PRRC2B: variants seen among roughly 807,000 people sequenced by gnomAD.
PRRC2B encodes proline rich coiled-coil 2B.
PRRC2B carries 68 observed loss-of-function variants against 242.3 expected under a neutral mutation model. The ratio of observed to expected loss-of-function variants is 0.28; its 90% CI spans 0.23 to 0.34. The LOEUF is 0.34. Ranked by LOEUF, PRRC2B falls within the 10% of genes least tolerant of loss-of-function variation. PRRC2B has a pLI of 1.00. For synonymous variants in PRRC2B, 1,228 were observed against 1,173.6 expected (o/e 1.05, Z -0.95); for missense variants, 2,835 against 2,954.8 (o/e 0.96, Z 0.94).
rs896811668 is a variant in PRRC2B at position 131,446,266 on chromosome 9, C to G, written c.614-135C>G. 14 of 1,099,978 alleles carry G rather than the reference C, an allele frequency of 1.3e-5. No homozygotes were observed. The highest frequency in any genetic ancestry group is 2.5e-5 in the East Asian group (1 of 39,274). The allele number at this position is 1,099,978 out of a possible 1,614,324, so 68.1% of individuals were successfully genotyped here. ...ACCTTCCCTGACAGATTTAACAGTTCTTCACTTTTGGTGTTTTTTGTTTTT... is the reference window on the plus strand; with the variant it reads ...ACCTTCCCTGACAGATTTAACAGTTGTTCACTTTTGGTGTTTTTTGTTTTT... On this transcript the variant is annotated intron_variant, in intron 6 of 31. Transcript: ENST00000683519. This position sits in a 1 kb window ranked among gnomAD's most constrained non-coding sequence, Gnocchi z 4.1.
intron 1 of PRRC2B, among the ~76,000 whole-genome samples, chr9:131,416,804 A>G (rs1316322811): frequency 2.6e-5 from 4 of 152,088 alleles, no homozygotes; most frequent in Non-Finnish European, 4.4e-5. Context: ...TCCTGAGGTT[A>G]TGGGGTTTGG....
chr9:131,416,307 CTA>C (rs2131303414), intron 1 of PRRC2B, among the ~76,000 whole-genome samples: 1 of 152,236 alleles, frequency 6.6e-6, no homozygotes, highest in Non-Finnish European at 1.5e-5. Flanking sequence ...TGGGGTTTCA[CTA>C]TATTGGCCAG....
chr9:131,466,257 T>C (rs930029142), intron 12 of PRRC2B, among the ~76,000 whole-genome samples: 3 of 152,240 alleles, frequency 2.0e-5, no homozygotes, highest in African/African-American at 7.2e-5. Context: ...CTGCCCTCCT[T>C]TCATTAAAGG....
upstream of PRRC2B, among the ~76,000 whole-genome samples, chr9:131,393,033 T>G (rs1466655440): frequency 6.6e-6 from 1 of 152,156 alleles, no homozygotes; most frequent in Non-Finnish European, 1.5e-5. Flanking sequence ...AGAATTCTAC[T>G]CCCCAAAAAC....
intron 1 of PRRC2B, among the ~76,000 whole-genome samples, chr9:131,415,425 T>C (rs1280583109): frequency 2.0e-5 from 3 of 152,156 alleles, no homozygotes; most frequent in Non-Finnish European, 4.4e-5. Flanking sequence ...AGGCCCCCGC[T>C]CCCCTGGGGC....
intron 9 of PRRC2B, among the ~76,000 whole-genome samples, chr9:131,452,929 G>A (rs955044964): frequency 1.3e-5 from 2 of 152,152 alleles, no homozygotes; most frequent in African/African-American, 4.8e-5. Flanking sequence ...TGTTTTGTAT[G>A]TTCCAACTTA....
Position 131,436,679 on chromosome 9 carries a change from C to T in PRRC2B, c.353C>T (p.Ser118Phe), listed in dbSNP as rs750928739. 1 of 1,614,050 alleles carries T rather than the reference C, an allele frequency of 6.2e-7. No individual in the cohort carries two copies. Among genetic ancestry groups the T allele is most frequent in the South Asian group, 1.1e-5 (1 of 91,082 alleles). ...ESLPQPGLQK[S>F]VSNLQKPTQS... ...CTGCCGCAGCCGGGTTTGCAGAAAT[C>T]TGTCTCCAATTTGCAGAAACCGACA... The change falls in exon 4 of 32, where the codon TCT becomes TTT. Residue 118 changes from serine to phenylalanine, a missense_variant. By Grantham distance (155) the Ser-to-Phe change is radical. Coordinates refer to ENST00000683519, the MANE Select transcript of PRRC2B (RefSeq NM_013318.4).
At position 131,378,284 on chromosome 9, in the gene PRRC2B, G is replaced by A. The variant is rs965033591; in HGVS notation, c.-56+4553G>A. On this transcript the variant is annotated intron_variant, in intron 1 of 1. Transcript: ENST00000682525. The stretch of plus-strand genomic sequence containing the variant: ...AGATTGCACCATTGCATTCCAGCCC[G>A]GACGACAAGAGTGAAACTCTGTCTC... 9.3e-5 allele frequency among the ~76,000 whole-genome samples: 14 copies of A among 150,062 alleles called. 1 individual carries two copies. The highest frequency in any genetic ancestry group is 5.3e-4 in the Admixed American group (8 of 14,958).
Position 131,447,684 on chromosome 9 carries a change from T to A in PRRC2B, c.1000T>A (p.Ser334Thr). ...CAGAAAAGAAAACAGGCTGGGATTG[T>A]CTCGCCCACTCCGCCCACTAAGGCA... is the stretch of plus-strand genomic sequence containing the variant. ...QDGKENRLGL[S>T]RPLRPLRQLV... Residue 334 changes from serine (S) to threonine (T), a missense_variant, in exon 9 of 32, where the codon TCT (serine) becomes ACT (threonine). This residue lies in a region of PRRC2B where 626 missense variants were observed against 685.5 expected (regional missense o/e 0.91). Coordinates refer to ENST00000683519, the MANE Select transcript of PRRC2B (RefSeq NM_013318.4). The A allele has an allele frequency of 6.2e-7, 1 of 1,609,490 alleles. No homozygotes were observed.
chr9:131,482,596 C>T lies in PRRC2B; in HGVS notation c.5175+34C>T, dbSNP rs577162329. The T allele has an allele frequency of 3.2e-6, 5 of 1,560,660 alleles. No homozygotes were observed. The highest frequency in any genetic ancestry group is 1.4e-5 in the African/African-American group (1 of 73,184). On this transcript the variant is annotated intron_variant, in intron 21 of 31. Transcript: ENST00000683519. The surrounding 1 kb of genome is among the most constrained non-coding windows in gnomAD (Gnocchi z 5.2). ...GACGTTCCAGTCACAGTGGCCAGGG[C>T]CTGGGTGGAAGGGGCCATCGTCTCA... is the stretch of plus-strand genomic sequence containing the variant.
At chr9:131,426,445 C>T (rs1422676906) in intron 1 of PRRC2B, among the ~76,000 whole-genome samples, 1 of 151,980 alleles carries the variant, frequency 6.6e-6, no homozygotes, top group Non-Finnish European at 1.5e-5. Context: ...GACAGGATCT[C>T]GCTCTGCCCT....
intron 12 of PRRC2B, among the ~76,000 whole-genome samples, chr9:131,467,129 T>C (rs1266628482): frequency 6.6e-6 from 1 of 151,274 alleles, no homozygotes; most frequent in African/African-American, 2.4e-5. Flanking sequence ...GAAATGGGGT[T>C]TCACCATGTT....
intron 3 of PRRC2B, among the ~76,000 whole-genome samples, 160 bp downstream of exon 3, chr9:131,432,954 C>T (rs1056575659): frequency 6.6e-6 from 1 of 152,244 alleles, no homozygotes; most frequent in African/African-American, 2.4e-5. Flanking sequence ...GCTGCTTCCT[C>T]TCTGGCCCTG....
intron 8 of PRRC2B, 32 bp downstream of exon 8, chr9:131,447,238 G>T: frequency 6.2e-7 from 1 of 1,613,408 alleles, no homozygotes; most frequent in South Asian, 1.1e-5. Context: ...CACGTGTGTA[G>T]AGATGAGTGC....
At chr9:131,408,130 G>A (rs186121880) in intron 1 of PRRC2B, among the ~76,000 whole-genome samples, 44 of 152,342 alleles carry the variant, frequency 2.9e-4, no homozygotes, top group South Asian at 6.2e-4. Flanking sequence ...GTTGTAAGTA[G>A]GCTGTGTTCT....
At position 131,475,922 on chromosome 9, in the gene PRRC2B, G is replaced by A. The variant is rs778987964; in HGVS notation, c.3793G>A (p.Ala1265Thr). Residue 1265 changes from alanine to threonine, a missense_variant, in exon 16 of 32, where the codon GCA (alanine) becomes ACA (threonine). Transcript: ENST00000683519. Reference sequence around the variant, plus strand: ...CCCAGATTCCTACAGACACCCTGACGCATTTGGTGGCCGGGGCTTTGAGGA... The same window carrying A: ...CCCAGATTCCTACAGACACCCTGACACATTTGGTGGCCGGGGCTTTGAGGA... The part of the protein sequence containing the change: ...YVPDSYRHPD[A>T]FGGRGFEDSR... 9 of 1,613,658 alleles carry A rather than the reference G, an allele frequency of 5.6e-6. No homozygotes were observed. Among genetic ancestry groups the A allele is most frequent in the East Asian group, 2.2e-5 (1 of 44,856 alleles).
At chr9:131,484,854 G>C (rs935878816) in intron 24 of PRRC2B, 64 bp downstream of exon 24, 2 of 1,563,150 alleles carry the variant, frequency 1.3e-6, no homozygotes, top group African/African-American at 2.7e-5. Flanking sequence ...GAGGCAGAAG[G>C]GAGGAGTCCC....
At chr9:131,377,503 T>C (rs895025380) in intron 1 of PRRC2B, among the ~76,000 whole-genome samples, 1 of 151,978 alleles carries the variant, frequency 6.6e-6, no homozygotes, top group Non-Finnish European at 1.5e-5. Context: ...TTTTCCTTTT[T>C]CTTTTGTGTG....
At position 131,447,672 on chromosome 9, in the gene PRRC2B, A is replaced by T. The variant is rs1047302971; in HGVS notation, c.988A>T (p.Arg330Trp). 4.4e-6 allele frequency: 7 copies of T among 1,598,976 alleles called. No homozygotes were observed. The African/African-American group carries it at 9.4e-5, about 22-fold the overall frequency. Residue 330 changes from arginine to tryptophan, a missense_variant, in exon 9 of 32, where the codon AGG becomes TGG. By Grantham distance (101) the Arg-to-Trp change is moderately radical (BLOSUM62 -3). Transcript: ENST00000683519. ...QMNDQDGKEN[R>W]LGLSRPLRPL... ...CTTTTCTTTTATCAGAAAAGAAAAC[A>T]GGCTGGGATTGTCTCGCCCACTCCG...
Sources: allele counts gnomAD v4.1 joint callset (sites outside exome capture counted in the v4.1 genomes callset), GRCh38; gene constraint gnomAD v4.1.1; regional missense constraint gnomAD v4.1.1; non-coding constraint Gnocchi (gnomAD v3.1); transcripts MANE v1.5; gene names NCBI Gene and HGNC (gene_info 2026-07-23, HGNC 2026-07-21).